Variants in KIF5A observed in about 807,000 individuals in gnomAD.
KIF5A encodes the protein kinesin heavy chain isoform 5A.
Under a neutral mutation model 141.3 loss-of-function variants are expected in KIF5A, and 35 were observed. The ratio of observed to expected loss-of-function variants is 0.25; its 90% CI spans 0.19 to 0.33. The LOEUF (loss-of-function observed/expected upper bound fraction) is 0.33, where lower values mean the gene tolerates loss of function less well. Among genes scored for constraint, KIF5A ranks in the 10% least tolerant of loss-of-function variants. The pLI is 1.00. For synonymous variants in KIF5A, 448 were observed against 500.2 expected, an observed-to-expected ratio of 0.90 and a Z score of 1.39; for missense variants, 861 against 1,314.3, an observed-to-expected ratio of 0.66 and a Z score of 5.33.
chr12:57,563,597 T>C, intron 2 of KIF5A, 23 bp from the exon 3 acceptor site: 1 of 1,613,362 alleles, frequency 6.2e-7, no homozygotes, highest in Non-Finnish European at 8.5e-7. Flanking sequence ...CCACCAGTAC[T>C]CTTTCTCTAC....
At position 57,570,011 on chromosome 12, in the gene KIF5A, G is replaced by T. The variant is rs755855553; in HGVS notation, c.1142G>T (p.Arg381Leu). Residue 381 changes from arginine (R) to leucine (L), a missense_variant, in exon 12 of 29, where the codon CGC (arginine) becomes CTC (leucine). Arg to Leu is a moderately radical substitution (Grantham distance 102, BLOSUM62 -2). Coordinates refer to ENST00000455537, the MANE Select transcript of KIF5A (RefSeq NM_004984.4). ...GGAGAGAATGTGCCTGAGACAGAGC[G>T]CCTGGCTGGGGAGGAGGCAGCCCTG... is the stretch of plus-strand genomic sequence containing the variant. ...RNGENVPETERLAGEEAALGA... is the reference protein window; with the variant it reads ...RNGENVPETELLAGEEAALGA... The T allele has an allele frequency of 6.2e-7, 1 of 1,613,640 alleles. No homozygotes were observed. The highest frequency in any genetic ancestry group is 1.3e-5 in the African/African-American group (1 of 75,062).
rs143260492 is a variant in KIF5A, at chr12:57,576,824, C to G, written c.2262C>G (p.Ser754Arg). Reference sequence around the variant, plus strand: ...AGGCTGACTACGAGAAGCTGAAGAGCGAAGAACACGAGAAGAGCACCAAGC... The same window carrying G: ...AGGCTGACTACGAGAAGCTGAAGAGGGAAGAACACGAGAAGAGCACCAAGC... ...KLQADYEKLKSEEHEKSTKLQ... is the reference protein window; with the variant it reads ...KLQADYEKLKREEHEKSTKLQ... The change falls in exon 20 of 29, where the codon AGC (serine) becomes AGG (arginine). Residue 754 changes from serine (S) to arginine (R), a missense_variant. Physicochemically the swap from Ser to Arg is moderately radical, Grantham distance 110. This residue lies in a region of KIF5A where 482 missense variants were observed against 661.3 expected (regional missense o/e 0.73). Coordinates refer to ENST00000455537, the MANE Select transcript of KIF5A (RefSeq NM_004984.4). The G allele has an allele frequency of 2.5e-6, 4 of 1,613,708 alleles. No individual in the cohort carries two copies. Among genetic ancestry groups the G allele is most frequent in the Non-Finnish European group, 3.4e-6 (4 of 1,179,812 alleles).
chr12:57,580,850 T>C, intron 23 of KIF5A, 106 bp from the exon 24 acceptor site: 1 of 1,009,874 alleles, frequency 9.9e-7, no homozygotes, highest in Non-Finnish European at 1.5e-6. Context: ...TGACTCCTGA[T>C]TTTTCTTTAT....
In KIF5A at chr12:57,572,796, G is replaced by A. The variant is rs572917609; in HGVS notation, c.1716+70G>A. ...GGAAGACGCAAGATGAGCCATCCAGGCCTTCACAGATACTGAGAAAGGCAG... is the reference window on the plus strand; with the variant it reads ...GGAAGACGCAAGATGAGCCATCCAGACCTTCACAGATACTGAGAAAGGCAG... On this transcript the variant is annotated intron_variant, in intron 15 of 28. Transcript: ENST00000455537. The surrounding 1 kb of genome is among the most constrained non-coding windows in gnomAD (Gnocchi z 4.2). The A allele has an allele frequency of 6.4e-7, 1 of 1,573,846 alleles. No homozygotes were observed. The highest frequency in any genetic ancestry group is 1.7e-5 in the Admixed American group (1 of 59,956).
At chr12:57,577,830 T>G in intron 21 of KIF5A, 57 bp downstream of exon 21, 1 of 1,454,838 alleles carries the variant, frequency 6.9e-7, no homozygotes, top group Non-Finnish European at 9.6e-7. Flanking sequence ...GAGGCTTCAT[T>G]TCTTCCTAAC....
intron 6 of KIF5A, among the ~76,000 whole-genome samples, chr12:57,565,238 A>G (rs1472475012): frequency 6.6e-6 from 1 of 151,816 alleles, no homozygotes; most frequent in Non-Finnish European, 1.5e-5. Context: ...TGGCCAATAT[A>G]GTGAAACCCC....
At chr12:57,563,100 G>C (rs1286565712) in intron 1 of KIF5A, among the ~76,000 whole-genome samples, 1 of 151,140 alleles carries the variant, frequency 6.6e-6, no homozygotes, top group Non-Finnish European at 1.5e-5. Context: ...TCTGCCTCTC[G>C]GGTTCAAGCG....
At chr12:57,556,232 G>A (rs753753471) in intron 1 of KIF5A, among the ~76,000 whole-genome samples, 13 of 151,626 alleles carry the variant, frequency 8.6e-5, no homozygotes, top group Admixed American at 4.6e-4. Context: ...TCCGCCTTCC[G>A]GGTTCACGCC....
At chr12:57,564,803 C>G (rs113640840) in intron 5 of KIF5A, 115 bp from the exon 6 acceptor site, 25 of 1,019,166 alleles carry the variant, frequency 2.5e-5, no homozygotes, top group African/African-American at 2.1e-4. Flanking sequence ...TTAGGCTTCA[C>G]AGGGAGAGTC....
At chr12:57,581,688 C>T in intron 25 of KIF5A, 120 bp downstream of exon 25, 1 of 1,307,470 alleles carries the variant, frequency 7.6e-7, no homozygotes, top group Non-Finnish European at 1.1e-6. Context: ...TTCTCAACTT[C>T]ATGCCTATGA....
At position 57,567,107 on chromosome 12, in the gene KIF5A, G is replaced by C. The variant is rs1294978712; in HGVS notation, c.502-19G>C. Reference sequence around the variant, plus strand: ...TAAAAAACAAAGCTTATGGGTCACTGTCCATTTGTCCCCCACAGGGTTGTA... The same window carrying C: ...TAAAAAACAAAGCTTATGGGTCACTCTCCATTTGTCCCCCACAGGGTTGTA... On this transcript the variant is annotated intron_variant, in intron 6 of 28. Coordinates refer to ENST00000455537, the MANE Select transcript of KIF5A (RefSeq NM_004984.4). 6.6e-7 allele frequency: 1 copy of C among 1,520,246 alleles called. No individual in the cohort carries two copies. Among genetic ancestry groups the C allele is most frequent in the Non-Finnish European group, 9.1e-7 (1 of 1,095,980 alleles). 94.2% of individuals were successfully genotyped at this position (1,520,246 alleles called of 1,614,324 possible). A position where few individuals can be genotyped will look rare whatever the true frequency, so the allele number is the denominator to read the frequency against.
intron 6 of KIF5A, among the ~76,000 whole-genome samples, chr12:57,565,621 AT>A (rs398019767): frequency 1.8e-3 from 236 of 128,392 alleles, no homozygotes; most frequent in African/African-American, 3.4e-3. Context: ...ATTTAATCTA[AT>A]TTTTTTTTTT....
chr12:57,581,264 C>A, intron 24 of KIF5A, 92 bp downstream of exon 24: 1 of 1,498,686 alleles, frequency 6.7e-7, no homozygotes, highest in Non-Finnish European at 9.2e-7. Flanking sequence ...TTGCTTCTTA[C>A]CTACCCCTAG....
chr12:57,583,740 A>G (rs1882677012), intron 28 of KIF5A, among the ~76,000 whole-genome samples: 2 of 152,106 alleles, frequency 1.3e-5, no homozygotes, highest in South Asian at 4.1e-4. Flanking sequence ...ACGCCCCACG[A>G]AATCAGTCAG....
chr12:57,576,717 A>C, intron 19 of KIF5A, 44 bp from the exon 20 acceptor site: 1 of 1,415,280 alleles, frequency 7.1e-7, no homozygotes, highest in Non-Finnish European at 1.0e-6. Context: ...CCCCCTCATT[A>C]ACATCTTTCT....
At chr12:57,581,754 C>T (rs1882609479) in intron 25 of KIF5A, 116 bp from the exon 26 acceptor site, 1 of 1,238,360 alleles carries the variant, frequency 8.1e-7, no homozygotes, top group Admixed American at 1.7e-5. Context: ...TTCCTCTGCT[C>T]TCTGGGGATG....
intron 1 of KIF5A, among the ~76,000 whole-genome samples, chr12:57,554,699 C>G (rs940793321): frequency 6.6e-6 from 1 of 152,176 alleles, no homozygotes; most frequent in Non-Finnish European, 1.5e-5. Flanking sequence ...GCACCAGCAT[C>G]TGCTCTGATG....
At chr12:57,556,550 G>A (rs1003282124) in intron 1 of KIF5A, among the ~76,000 whole-genome samples, 1 of 151,914 alleles carries the variant, frequency 6.6e-6, no homozygotes, top group Non-Finnish European at 1.5e-5. Context: ...ATGAAAAGGG[G>A]CTATAATTGG....
chr12:57,559,031 C>T (rs1881830066), intron 1 of KIF5A, among the ~76,000 whole-genome samples: 1 of 152,200 alleles, frequency 6.6e-6, no homozygotes, highest in African/African-American at 2.4e-5. Flanking sequence ...CCAGACTTGA[C>T]CTCCCAAAGG....
Sources: gnomAD v4.1 joint callset for allele counts (sites outside exome capture counted in the v4.1 genomes callset) on GRCh38, gnomAD v4.1.1 for gene constraint, gnomAD v4.1.1 regional missense constraint, Gnocchi (gnomAD v3.1) non-coding constraint, MANE v1.5 for transcripts, NCBI Gene and HGNC (gene_info 2026-07-23, HGNC 2026-07-21) for gene names.